SMARCB1: variants seen among roughly 807,000 people sequenced by gnomAD.
The protein encoded by SMARCB1 is SWI/SNF-related matrix-associated actin-dependent regulator of chromatin subfamily B member 1.
In SMARCB1, 5 loss-of-function variants were observed where a neutral mutation model predicts 49.0. The ratio of observed to expected loss-of-function variants is 0.10; its 90% CI spans 0.05 to 0.21. SMARCB1 has a LOEUF of 0.21. Ranked by LOEUF, SMARCB1 falls within the 10% of genes least tolerant of loss-of-function variation. SMARCB1 has a pLI of 1.00. For missense variants in SMARCB1, 226 were observed against 509.2 expected (o/e 0.44, Z 5.35); for synonymous variants, 201 against 200.1 (o/e 1.00, Z -0.04).
intron 7 of SMARCB1, among the ~76,000 whole-genome samples, chr22:23,828,602 TGA>T (rs2030501534): frequency 6.6e-6 from 1 of 152,080 alleles, no homozygotes; most frequent in African/African-American, 2.4e-5. Flanking sequence ...TGCAGTGAGC[TGA>T]GATTGCACCA....
At chr22:23,814,631 A>G (rs1443896075) in intron 5 of SMARCB1, among the ~76,000 whole-genome samples, 5 of 147,790 alleles carry the variant, frequency 3.4e-5, no homozygotes, top group African/African-American at 5.0e-5. Context: ...CGCTGTTGCA[A>G]TCCATCCTGG....
chr22:23,812,085 C>G (rs531663844), intron 5 of SMARCB1, among the ~76,000 whole-genome samples: 2 of 152,284 alleles, frequency 1.3e-5, no homozygotes, highest in Admixed American at 1.3e-4. Context: ...ACACAAAGTA[C>G]CACAACTCAT....
At chr22:23,821,722 G>A (rs2030096904) in intron 6 of SMARCB1, among the ~76,000 whole-genome samples, 1 of 151,894 alleles carries the variant, frequency 6.6e-6, no homozygotes, top group Non-Finnish European at 1.5e-5. Context: ...GTGGTGGCAC[G>A]TTCCTGTAAT....
intron 2 of SMARCB1, chr22:23,792,221 C>T: frequency 2.7e-6 from 1 of 371,922 alleles, no homozygotes; most frequent in Non-Finnish European, 5.2e-6. Flanking sequence ...GGGTGTGTCG[C>T]CATAATCATC....
At chr22:23,790,423 C>A (rs776802777) in intron 1 of SMARCB1, among the ~76,000 whole-genome samples, 18 of 152,202 alleles carry the variant, frequency 1.2e-4, no homozygotes, top group Non-Finnish European at 2.5e-4. Flanking sequence ...AATACTATGC[C>A]TGGGTCTCAC....
intron 3 of SMARCB1, among the ~76,000 whole-genome samples, chr22:23,796,486 A>G (rs1010820961): frequency 2.6e-5 from 4 of 152,200 alleles, no homozygotes; most frequent in Non-Finnish European, 5.9e-5. Context: ...ACAAAGCCCA[A>G]GGAGCATTAA....
At chr22:23,816,718 A>G (rs1930214572) in intron 5 of SMARCB1, 52 bp from the exon 6 acceptor site, 2 of 1,556,252 alleles carry the variant, frequency 1.3e-6, no homozygotes, top group African/African-American at 2.7e-5. Flanking sequence ...AGGCCGGTCC[A>G]TGCCCAAGCA....
intron 6 of SMARCB1, among the ~76,000 whole-genome samples, chr22:23,820,966 C>T (rs2030054122): frequency 6.6e-6 from 1 of 152,232 alleles, no homozygotes; most frequent in African/African-American, 2.4e-5. Flanking sequence ...CTCATGAAGC[C>T]TGACTGGTAG....
intron 5 of SMARCB1, among the ~76,000 whole-genome samples, chr22:23,808,860 G>A (rs998935197): frequency 4.0e-5 from 6 of 151,706 alleles, no homozygotes; most frequent in East Asian, 1.9e-4. Context: ...CACCATACCC[G>A]GTTAATTTTT....
chr22:23,819,398 TTGGCTCA>T (rs2029953859), intron 6 of SMARCB1, among the ~76,000 whole-genome samples: 1 of 152,152 alleles, frequency 6.6e-6, no homozygotes, highest in Non-Finnish European at 1.5e-5. Context: ...TGGCGCGATC[TTGGCTCA>T]TGGCACTCCT....
At chr22:23,808,246 G>A (rs1329200057) in intron 5 of SMARCB1, among the ~76,000 whole-genome samples, 1 of 151,812 alleles carries the variant, frequency 6.6e-6, no homozygotes, top group East Asian at 1.9e-4. Context: ...TCAGCCTCCC[G>A]AGCAGCTGGG....
At chr22:23,805,831 C>G (rs1175280002) in intron 5 of SMARCB1, among the ~76,000 whole-genome samples, 1 of 152,168 alleles carries the variant, frequency 6.6e-6, no homozygotes, top group Non-Finnish European at 1.5e-5. Context: ...TAGAATCTAG[C>G]CCAGCATAGG....
rs186748944 is a variant in SMARCB1 at position 23,815,973 on chromosome 22, A to C, written c.629-797A>C. 366 of 152,776 alleles carry C rather than the reference A, an allele frequency of 2.4e-3. 1 individual carries two copies. The highest frequency in any genetic ancestry group is 3.8e-3 in the Non-Finnish European group (258 of 68,386). The allele number at this position is 152,776 out of a possible 1,614,324, so 9.5% of individuals were successfully genotyped here. A position where few individuals can be genotyped will look rare whatever the true frequency, so the allele number is the denominator to read the frequency against. On this transcript the variant is annotated intron_variant, in intron 5 of 8. Coordinates refer to ENST00000644036, the MANE Select transcript of SMARCB1 (RefSeq NM_003073.5). ...TGTTGCTGCCCCGCAGGCTGTTAGG[A>C]TGCTGGTCTCCAGCGTGTCTTTAGG...
Position 23,834,663 on chromosome 22 carries a change from G to T in SMARCB1, c.*483G>T, listed in dbSNP as rs1435622961. On this transcript the variant is annotated 3_prime_UTR_variant, in exon 9 of 9. Coordinates refer to ENST00000644036, the MANE Select transcript of SMARCB1 (RefSeq NM_003073.5). ...TCTGCCTCAGATTCCCAAGTGGGCA[G>T]GTGGGGGTGAATGGGGCTCCGGGTA... The T allele has an allele frequency of 3.9e-6, 4 of 1,013,160 alleles. No individual in the cohort carries two copies. Among genetic ancestry groups the T allele is most frequent in the Non-Finnish European group, 5.7e-6 (4 of 697,032 alleles). The allele number at this position is 1,013,160 out of a possible 1,614,324, so 62.8% of individuals were successfully genotyped here.
intron 5 of SMARCB1, among the ~76,000 whole-genome samples, chr22:23,805,514 C>CT (rs1159179606): frequency 1.3e-5 from 2 of 151,662 alleles, no homozygotes; most frequent in Non-Finnish European, 2.9e-5. Context: ...CGTTTTTCTT[C>CT]TTTTTTTTGA....
At chr22:23,807,547 C>G (rs527754402) in intron 5 of SMARCB1, among the ~76,000 whole-genome samples, 1 of 151,722 alleles carries the variant, frequency 6.6e-6, no homozygotes, top group African/African-American at 2.4e-5. Flanking sequence ...TGCACTCCAG[C>G]CTGGGCAACA....
In SMARCB1 at chr22:23,826,947, G is replaced by A. The variant is rs73398523; in HGVS notation, c.986+1532G>A. On this transcript the variant is annotated intron_variant, in intron 7 of 8. Coordinates refer to ENST00000644036, the MANE Select transcript of SMARCB1 (RefSeq NM_003073.5). ...AGGGCAGCCCAGAGAGGAGGCTGGG[G>A]GGCTGGTGTCTGATGCCTCCCTGTT... Among the ~76,000 whole-genome samples the A allele has an allele frequency of 7.1e-3, 1,087 of 152,266 alleles. 14 individuals carry two copies. Among genetic ancestry groups the A allele is most frequent in the African/African-American group, 0.025 (1,038 of 41,554 alleles).
intron 3 of SMARCB1, 35 bp downstream of exon 3, chr22:23,793,723 A>G (rs2145964787): frequency 1.2e-6 from 2 of 1,609,686 alleles, no homozygotes; most frequent in South Asian, 1.1e-5. Flanking sequence ...CTCTGGGGAC[A>G]CCTGTGGGGT....
At chr22:23,796,037 C>T (rs534158020) in intron 3 of SMARCB1, among the ~76,000 whole-genome samples, 26 of 152,232 alleles carry the variant, frequency 1.7e-4, no homozygotes, top group African/African-American at 6.0e-4. Flanking sequence ...AGGTAATCCT[C>T]CCGCCTCGGC....
Sources: allele counts gnomAD v4.1 joint callset (sites outside exome capture counted in the v4.1 genomes callset), GRCh38; gene constraint gnomAD v4.1.1; transcripts MANE v1.5; gene names NCBI Gene and HGNC (gene_info 2026-07-23, HGNC 2026-07-21).